CDH12: variants seen among roughly 807,000 people sequenced by gnomAD.
CDH12 encodes the protein cadherin-12.
CDH12 carries 41 observed loss-of-function variants against 74.1 expected under a neutral mutation model. That is an observed-to-expected ratio of 0.55 (90% CI 0.43 to 0.72). CDH12 has a LOEUF of 0.72. CDH12 is among the 30% of genes least tolerant of loss of function. The probability of loss-of-function intolerance (pLI) is 0.00; values close to 1 mark genes in which losing one functional copy is unlikely to be tolerated. For missense variants in CDH12, 945 were observed against 977.2 expected (o/e 0.97, Z 0.44); for synonymous variants, 399 against 355.0 (o/e 1.12, Z -1.39).
chr5:22,307,014 A>G (rs1738143380), intron 3 of CDH12, among the ~76,000 whole-genome samples: 1 of 152,220 alleles, frequency 6.6e-6, no homozygotes, highest in Admixed American at 6.5e-5. Context: ...AGTAGAACTA[A>G]GTGGCTTTTA....
At chr5:22,222,472 T>C (rs1752051030) in intron 3 of CDH12, among the ~76,000 whole-genome samples, 1 of 151,956 alleles carries the variant, frequency 6.6e-6, no homozygotes, top group African/African-American at 2.4e-5. Flanking sequence ...ACAAGCCAAC[T>C]TTTCAATTTA....
intron 3 of CDH12, among the ~76,000 whole-genome samples, chr5:22,252,222 G>A (rs1354523963): frequency 6.6e-6 from 1 of 151,868 alleles, no homozygotes; most frequent in Admixed American, 6.6e-5. Flanking sequence ...TAATAGTACT[G>A]TTGATAATCT....
intron 1 of CDH12, among the ~76,000 whole-genome samples, chr5:22,768,375 G>A (rs1450779392): frequency 6.6e-6 from 1 of 151,970 alleles, no homozygotes; most frequent in East Asian, 1.9e-4. Flanking sequence ...CAGTTATGGA[G>A]AGTTTATTAT....
At chr5:21,867,445 G>A (rs570967633) in intron 6 of CDH12, among the ~76,000 whole-genome samples, 43 of 152,174 alleles carry the variant, frequency 2.8e-4, no homozygotes, top group Non-Finnish European at 4.4e-4. Flanking sequence ...TCTAGCCAGG[G>A]CGGGGCTGCC....
chr5:22,584,945 T>A (rs1239852695), intron 1 of CDH12, among the ~76,000 whole-genome samples: 1 of 152,156 alleles, frequency 6.6e-6, no homozygotes, highest in African/African-American at 2.4e-5. Context: ...CTTAAAAAAA[T>A]TTACTACTAA....
intron 5 of CDH12, among the ~76,000 whole-genome samples, chr5:22,046,426 A>ATTTT (rs1739955012): frequency 7.8e-6 from 1 of 127,464 alleles, no homozygotes; most frequent in African/African-American, 3.8e-5. Context: ...TGGTCATTTA[A>ATTTT]TTTCTTTTTT....
intron 3 of CDH12, chr5:22,278,093 A>T (rs772593483): frequency 6.6e-6 from 1 of 152,224 alleles, no homozygotes; most frequent in Non-Finnish European, 1.5e-5. Context: ...TTATTGATTT[A>T]ACTGCCAAAT....
chr5:22,470,796 G>A (rs1745928342), intron 2 of CDH12, among the ~76,000 whole-genome samples: 1 of 150,888 alleles, frequency 6.6e-6, no homozygotes, highest in Non-Finnish European at 1.5e-5. Flanking sequence ...ATATATTAAA[G>A]CTTTTCAGTG....
intron 1 of CDH12, among the ~76,000 whole-genome samples, chr5:22,523,615 T>C (rs1201558808): frequency 6.6e-6 from 1 of 152,202 alleles, no homozygotes; most frequent in African/African-American, 2.4e-5. Context: ...GGTCAATCCT[T>C]ATGGCTCCTC....
intron 1 of CDH12, among the ~76,000 whole-genome samples, chr5:22,524,445 C>G (rs1737183334): frequency 6.6e-6 from 1 of 152,142 alleles, no homozygotes; most frequent in African/African-American, 2.4e-5. Context: ...AATTATGTGT[C>G]TCATTGTCTA....
Position 22,062,716 on chromosome 5 carries a change from C to T in CDH12, c.231+15730G>A, listed in dbSNP as rs143359642. Among the ~76,000 whole-genome samples the T allele has an allele frequency of 2.5e-3, 378 of 152,154 alleles. 4 individuals carry two copies. Among genetic ancestry groups the T allele is most frequent in the African/African-American group, 8.3e-3 (345 of 41,526 alleles). On this transcript the variant is annotated intron_variant, in intron 5 of 14. Transcript: ENST00000382254. ...AGTCAAGAGGAGTTTGCATGAGGTTCGAAATAATCAAGCAGTATCAAGGTG... is the reference window on the plus strand; with the variant it reads ...AGTCAAGAGGAGTTTGCATGAGGTTTGAAATAATCAAGCAGTATCAAGGTG...
intron 4 of CDH12, among the ~76,000 whole-genome samples, chr5:22,150,473 A>G (rs1187323328): frequency 6.6e-6 from 1 of 151,714 alleles, no homozygotes; most frequent in Non-Finnish European, 1.5e-5. Context: ...ATATGTATAT[A>G]TAGAGAGAGA....
intron 2 of CDH12, among the ~76,000 whole-genome samples, chr5:22,502,942 T>G (rs1442384497): frequency 1.3e-5 from 2 of 152,124 alleles, no homozygotes; most frequent in Non-Finnish European, 2.9e-5. Context: ...CTTTTATACA[T>G]CTATATCCTC....
chr5:22,622,997 G>A (rs1425967872), intron 1 of CDH12, among the ~76,000 whole-genome samples: 1 of 152,136 alleles, frequency 6.6e-6, no homozygotes, highest in African/African-American at 2.4e-5. Context: ...TCATCCCTGG[G>A]ATGCAAGACT....
chr5:22,532,217 A>G (rs1037034214), intron 1 of CDH12, among the ~76,000 whole-genome samples: 1 of 150,006 alleles, frequency 6.7e-6, no homozygotes, highest in Non-Finnish European at 1.5e-5. Flanking sequence ...TTACTGGTCA[A>G]CTCCTTTGTA....
intron 1 of CDH12, among the ~76,000 whole-genome samples, chr5:22,615,841 G>A (rs540216292): frequency 1.2e-4 from 19 of 152,236 alleles, no homozygotes; most frequent in African/African-American, 4.1e-4. Context: ...TGGCAGGGTT[G>A]GGAATAAATG....
chr5:22,779,392 T>C (rs966173019), intron 1 of CDH12, among the ~76,000 whole-genome samples: 1 of 53,844 alleles, frequency 1.9e-5, no homozygotes, highest in Admixed American at 2.2e-4. Context: ...TACCTAGTTA[T>C]ATACACTAAA....
chr5:22,558,271 A>G (rs1232527416), intron 1 of CDH12, among the ~76,000 whole-genome samples: 2 of 152,094 alleles, frequency 1.3e-5, no homozygotes, highest in East Asian at 3.9e-4. Flanking sequence ...AGACAGATTA[A>G]TTGAAAGTGA....
chr5:22,403,674 C>T (rs1742823472), intron 3 of CDH12, among the ~76,000 whole-genome samples: 1 of 152,158 alleles, frequency 6.6e-6, no homozygotes, highest in Admixed American at 6.5e-5. Flanking sequence ...TTAACATGAA[C>T]ACAGCCATGT....
Sources: allele counts gnomAD v4.1 joint callset (sites outside exome capture counted in the v4.1 genomes callset), GRCh38; gene constraint gnomAD v4.1.1; transcripts MANE v1.5; gene names NCBI Gene and HGNC (gene_info 2026-07-23, HGNC 2026-07-21).